Variants in TENM3 observed in about 807,000 individuals in gnomAD.
The protein encoded by TENM3 is teneurin-3.
A neutral mutation model predicts 255.1 loss-of-function variants in TENM3; 63 were observed. The ratio of observed to expected loss-of-function variants is 0.25; its 90% confidence interval spans 0.20 to 0.30. The LOEUF (loss-of-function observed/expected upper bound fraction) is 0.30, where lower values mean the gene tolerates loss of function less well. Ranked by LOEUF, TENM3 falls within the 10% of genes least tolerant of loss-of-function variation. The pLI, the probability that TENM3 is intolerant of heterozygous loss-of-function variation, is 1.00. For synonymous variants in TENM3, 1,306 were observed against 1,322.3 expected (o/e 0.99, Z 0.27); for missense variants, 2,929 against 3,461.1 (o/e 0.85, Z 3.86).
chr4:181,970,672 T>C, the TENM3 span, among the ~76,000 whole-genome samples: 1 of 152,174 alleles, frequency 6.6e-6, no homozygotes, highest in African/African-American at 2.4e-5. Context: ...AGAGGCCATG[T>C]GGACTCTCCT....
chr4:181,927,603 A>T, the TENM3 span, among the ~76,000 whole-genome samples: 1 of 152,228 alleles, frequency 6.6e-6, no homozygotes, highest in African/African-American at 2.4e-5. Context: ...CAGCTTCAAC[A>T]GACTTAAACA....
At chr4:182,431,582 G>A (rs540766532) in intron 3 of TENM3, among the ~76,000 whole-genome samples, 3 of 152,296 alleles carry the variant, frequency 2.0e-5, no homozygotes, top group Admixed American at 6.5e-5. Context: ...TGGATTTTAC[G>A]TAGGACTTGG....
chr4:181,520,707 A>G, the TENM3 span, among the ~76,000 whole-genome samples: 2 of 152,182 alleles, frequency 1.3e-5, no homozygotes, highest in African/African-American at 4.8e-5. Flanking sequence ...TTTTGAACAG[A>G]TGGAGCTTTC....
chr4:182,726,137 A>G (rs1277678514), intron 13 of TENM3, among the ~76,000 whole-genome samples: 1 of 152,158 alleles, frequency 6.6e-6, no homozygotes, highest in Non-Finnish European at 1.5e-5. Flanking sequence ...GTAACAAAAA[A>G]CTTAAAATAT....
chr4:182,161,904 TACAC>T (rs70954294), intron 1 of TENM3, among the ~76,000 whole-genome samples: 1 of 45,014 alleles, frequency 2.2e-5, no homozygotes, highest in African/African-American at 7.4e-5. Context: ...TGTGTATATA[TACAC>T]ACACATGTAT....
intron 5 of TENM3, among the ~76,000 whole-genome samples, chr4:182,646,946 A>T (rs1752807318): frequency 6.6e-6 from 1 of 152,176 alleles, no homozygotes; most frequent in African/African-American, 2.4e-5. Flanking sequence ...AATTTGAAAG[A>T]TATCAGAATT....
rs901743827 is a variant in TENM3, at chr4:182,779,406, G to A, written c.5304+4253G>A. Among the ~76,000 whole-genome samples, 138 of 152,114 alleles carry A rather than the reference G, an allele frequency of 9.1e-4. 1 individual carries two copies. Among genetic ancestry groups the A allele is most frequent in the Non-Finnish European group, 2.6e-4 (18 of 68,014 alleles). On this transcript the variant is annotated intron_variant, in intron 24 of 27. Coordinates refer to ENST00000511685, the MANE Select transcript of TENM3 (RefSeq NM_001080477.4). ...CATGAACTCATCATTTTTTATGGCT[G>A]CATAGTATTCCATGGTGTATATGTG...
chr4:182,658,188 A>G (rs1458942943), intron 6 of TENM3, among the ~76,000 whole-genome samples: 5 of 152,150 alleles, frequency 3.3e-5, no homozygotes. Flanking sequence ...TTTTGGAACC[A>G]TTTAATAGTT....
At chr4:182,135,204 C>CAAAAAAA in the TENM3 span, among the ~76,000 whole-genome samples, 4 of 81,566 alleles carry the variant, frequency 4.9e-5, no homozygotes, top group Non-Finnish European at 6.3e-5. Flanking sequence ...GACTCGGTCT[C>CAAAAAAA]AAAAAAAAAA....
chr4:182,054,945 C>T, the TENM3 span, among the ~76,000 whole-genome samples: 3 of 152,124 alleles, frequency 2.0e-5, no homozygotes, highest in African/African-American at 7.2e-5. Context: ...AACCAGAGCT[C>T]GGAGGTAGGA....
the TENM3 span, among the ~76,000 whole-genome samples, chr4:181,508,448 G>T: frequency 6.6e-6 from 1 of 152,294 alleles, no homozygotes; most frequent in African/African-American, 2.4e-5. Flanking sequence ...TATTGAAGTG[G>T]GTATGATGCC....
chr4:181,540,883 A>G, the TENM3 span, among the ~76,000 whole-genome samples: 1 of 148,122 alleles, frequency 6.8e-6, no homozygotes, highest in African/African-American at 2.7e-5. Flanking sequence ...TATGGCCTTA[A>G]ATTAATAGAA....
the TENM3 span, among the ~76,000 whole-genome samples, chr4:182,067,025 G>A: frequency 6.6e-6 from 1 of 152,154 alleles, no homozygotes; most frequent in East Asian, 1.9e-4. Flanking sequence ...AGGACCTACT[G>A]TGGATACCTC....
At chr4:182,674,750 A>G (rs1376680286) in intron 7 of TENM3, among the ~76,000 whole-genome samples, 4 of 151,250 alleles carry the variant, frequency 2.6e-5, no homozygotes, top group Non-Finnish European at 5.9e-5. Context: ...TAATTTTTGT[A>G]TTTTTTGTAG....
the TENM3 span, among the ~76,000 whole-genome samples, chr4:182,049,015 A>C: frequency 6.6e-6 from 1 of 152,096 alleles, no homozygotes; most frequent in South Asian, 2.1e-4. Context: ...TGATGTTTTT[A>C]ATAGTTGGGT....
chr4:181,737,481 T>C, the TENM3 span, among the ~76,000 whole-genome samples: 1 of 152,110 alleles, frequency 6.6e-6, no homozygotes, highest in East Asian at 1.9e-4. Flanking sequence ...AGAGTGGCCC[T>C]GGTCAATGTC....
At chr4:182,281,575 G>A (rs2150273857) in intron 1 of TENM3, among the ~76,000 whole-genome samples, 1 of 152,004 alleles carries the variant, frequency 6.6e-6, no homozygotes, top group South Asian at 2.1e-4. Context: ...GGCTGGTCTT[G>A]TACTCCTGGG....
intron 1 of TENM3, among the ~76,000 whole-genome samples, chr4:182,158,114 T>C (rs1046152534): frequency 2.6e-5 from 4 of 152,140 alleles, no homozygotes; most frequent in African/African-American, 9.7e-5. Context: ...GACTGTGAAC[T>C]AAAGGGCACA....
At chr4:181,628,956 C>A in the TENM3 span, among the ~76,000 whole-genome samples, 1 of 152,120 alleles carries the variant, frequency 6.6e-6, no homozygotes, top group Non-Finnish European at 1.5e-5. Flanking sequence ...ATTGATTCTT[C>A]CTACCCATGA....
Sources: allele counts gnomAD v4.1 joint callset (sites outside exome capture counted in the v4.1 genomes callset), GRCh38; gene constraint gnomAD v4.1.1; transcripts MANE v1.5; gene names NCBI Gene and HGNC (gene_info 2026-07-23, HGNC 2026-07-21).